Variants in STPG2 observed in about 807,000 individuals in gnomAD.
STPG2 encodes sperm-tail PG-rich repeat-containing protein 2.
Under a neutral mutation model 54.2 loss-of-function variants are expected in STPG2, and 56 were observed. The ratio of observed to expected loss-of-function variants is 1.03; its 90% confidence interval spans 0.83 to 1.29. The LOEUF (loss-of-function observed/expected upper bound fraction) is 1.29. Ranked by LOEUF, STPG2 falls within the 50% of genes most tolerant of loss-of-function variation. The pLI, the probability that STPG2 is intolerant of heterozygous loss-of-function variation, is 0.00. For synonymous variants in STPG2, 200 were observed against 181.8 expected, an observed-to-expected ratio of 1.10 and a Z score of -0.81; for missense variants, 596 against 544.9, an observed-to-expected ratio of 1.09 and a Z score of -0.93.
chr4:97,882,258 G>A (rs1252136286), intron 8 of STPG2, among the ~76,000 whole-genome samples: 2 of 152,172 alleles, frequency 1.3e-5, no homozygotes, highest in East Asian at 3.8e-4. Context: ...AAGGGACAGG[G>A]TAGAAAACTA....
chr4:97,716,600 C>A (rs1724295084), intron 9 of STPG2, among the ~76,000 whole-genome samples: 1 of 149,250 alleles, frequency 6.7e-6, no homozygotes, highest in South Asian at 2.1e-4. Flanking sequence ...AACACAGGAA[C>A]AGAAAACCAA....
rs1294362464 is a variant in STPG2 at position 97,899,749 on chromosome 4, C to T, written c.1044+44148G>A. On this transcript the variant is annotated intron_variant, in intron 8 of 10. Transcript: ENST00000295268. ...ATAATCCCTATTCAATAAATGGTGC[C>T]GGGATAACTGGCAGCTACATGCAGA... Among the ~76,000 whole-genome samples, 7 of 151,874 alleles carry T rather than the reference C, an allele frequency of 4.6e-5. 1 individual carries two copies. The South Asian group carries it at 6.3e-4, about 14-fold the overall frequency.
intron 4 of STPG2, among the ~76,000 whole-genome samples, chr4:97,469,197 AGG>A (rs1406737542): frequency 2.6e-5 from 4 of 152,138 alleles, no homozygotes; most frequent in Non-Finnish European, 4.4e-5. Flanking sequence ...TATTGGCTAA[AGG>A]GAATGCTCAG....
At chr4:97,725,844 A>G (rs537096724) in intron 9 of STPG2, among the ~76,000 whole-genome samples, 57 of 151,954 alleles carry the variant, frequency 3.8e-4, no homozygotes, top group Non-Finnish European at 7.1e-4. Context: ...TAGATATATT[A>G]CTGTGAAACT....
At chr4:97,603,597 A>G (rs996059208) in intron 10 of STPG2, among the ~76,000 whole-genome samples, 1 of 151,438 alleles carries the variant, frequency 6.6e-6, no homozygotes, top group Non-Finnish European at 1.5e-5. Flanking sequence ...ACAATGTGAT[A>G]TATCTATATA....
chr4:97,695,560 G>C (rs1723542178), intron 10 of STPG2, among the ~76,000 whole-genome samples: 1 of 152,006 alleles, frequency 6.6e-6, no homozygotes, highest in Non-Finnish European at 1.5e-5. Flanking sequence ...TCAAATTGTT[G>C]CTGTTCGCTG....
At chr4:97,595,306 T>C (rs376268135) in intron 10 of STPG2, among the ~76,000 whole-genome samples, 1 of 152,026 alleles carries the variant, frequency 6.6e-6, no homozygotes, top group Non-Finnish European at 1.5e-5. Context: ...TGTAGGGACA[T>C]GGATGAAGCT....
At chr4:97,601,394 T>C (rs1733457770) in intron 10 of STPG2, among the ~76,000 whole-genome samples, 1 of 152,084 alleles carries the variant, frequency 6.6e-6, no homozygotes, top group Admixed American at 6.6e-5. Context: ...TACATATTCT[T>C]ATCAAAGTTT....
chr4:97,909,488 C>G (rs192912937), intron 8 of STPG2, among the ~76,000 whole-genome samples: 1 of 152,160 alleles, frequency 6.6e-6, no homozygotes. Context: ...ACATCAAACC[C>G]TAACAAGGAA....
chr4:97,986,398 G>A (rs1734834764), intron 5 of STPG2, among the ~76,000 whole-genome samples: 1 of 152,176 alleles, frequency 6.6e-6, no homozygotes, highest in Non-Finnish European at 1.5e-5. Flanking sequence ...ATTCCTGGGA[G>A]TATGTGAAAT....
In STPG2 at chr4:97,612,575, T is replaced by C. The variant is rs77813264; in HGVS notation, c.1321-53458A>G. ...ATATGGGAAGTTTCAATGGCCTTAGTGTAAAACTGGCATTTTATTACCTCT... is the reference window on the plus strand; with the variant it reads ...ATATGGGAAGTTTCAATGGCCTTAGCGTAAAACTGGCATTTTATTACCTCT... On this transcript the variant is annotated intron_variant, in intron 10 of 10. Transcript: ENST00000295268. Among the ~76,000 whole-genome samples the C allele has an allele frequency of 4.0e-3, 606 of 152,168 alleles. 6 individuals carry two copies. The highest frequency in any genetic ancestry group is 6.3e-3 in the Non-Finnish European group (429 of 67,990).
At chr4:97,442,825 T>C (rs1729123935) in intron 4 of STPG2, among the ~76,000 whole-genome samples, 1 of 152,142 alleles carries the variant, frequency 6.6e-6, no homozygotes. Flanking sequence ...TGCAAGTAAG[T>C]TTAATAAATA....
At chr4:97,707,339 G>A (rs1723978462) in intron 10 of STPG2, among the ~76,000 whole-genome samples, 1 of 152,020 alleles carries the variant, frequency 6.6e-6, no homozygotes. Flanking sequence ...GGGCAACAGG[G>A]CAAAACCCCA....
chr4:98,126,566 T>G (rs1409303785), intron 3 of STPG2, among the ~76,000 whole-genome samples: 1 of 152,200 alleles, frequency 6.6e-6, no homozygotes, highest in Non-Finnish European at 1.5e-5. Context: ...TCACTCTCTG[T>G]GGGTTGCACC....
At chr4:97,604,743 T>C (rs1733551488) in intron 10 of STPG2, among the ~76,000 whole-genome samples, 1 of 151,734 alleles carries the variant, frequency 6.6e-6, no homozygotes, top group Non-Finnish European at 1.5e-5. Context: ...AATATTTTAA[T>C]GGCCAGGTCT....
At chr4:97,949,052 C>T (rs1053400204) in intron 7 of STPG2, among the ~76,000 whole-genome samples, 1 of 152,070 alleles carries the variant, frequency 6.6e-6, no homozygotes, top group African/African-American at 2.4e-5. Flanking sequence ...TATCTCCTCT[C>T]TTAAGTCAAG....
chr4:97,750,240 A>G (rs1416046390), intron 9 of STPG2, among the ~76,000 whole-genome samples: 3 of 151,744 alleles, frequency 2.0e-5, no homozygotes, highest in African/African-American at 4.8e-5. Flanking sequence ...GTTTCTACTC[A>G]CCAGCATCTA....
In STPG2 at chr4:97,828,494, A is replaced by AT. The variant is rs905555922; in HGVS notation, c.1204+12278dup. 7.3e-4 allele frequency among the ~76,000 whole-genome samples: 109 copies of AT among 148,406 alleles called. 1 individual carries two copies. Among genetic ancestry groups the AT allele is most frequent in the Non-Finnish European group, 1.0e-3 (68 of 66,746 alleles). On this transcript the variant is annotated intron_variant, in intron 9 of 10. Coordinates refer to ENST00000295268, the MANE Select transcript of STPG2 (RefSeq NM_174952.3). ...GCAGACACCAAGCTAGCTGCGGGAG[A>AT]TTTTTTTTTTTCCATATCCCAATGG...
intron 4 of STPG2, among the ~76,000 whole-genome samples, chr4:97,541,855 A>T (rs976292080): frequency 6.6e-6 from 1 of 152,254 alleles, no homozygotes; most frequent in Non-Finnish European, 1.5e-5. Context: ...AATCTGACAA[A>T]AACAAGAAAC....
Sources: gnomAD v4.1 joint callset for allele counts (sites outside exome capture counted in the v4.1 genomes callset) on GRCh38, gnomAD v4.1.1 for gene constraint, MANE v1.5 for transcripts, NCBI Gene and HGNC (gene_info 2026-07-23, HGNC 2026-07-21) for gene names.